NFYA: variants seen among roughly 807,000 people sequenced by gnomAD.
NFYA encodes CAAT-box DNA binding protein subunit A.
A neutral mutation model predicts 52.8 loss-of-function variants in NFYA; 28 were observed. The observed-to-expected ratio is 0.53, with a 90% CI of 0.39 to 0.73. NFYA has a LOEUF of 0.73. NFYA is among the 30% of genes least tolerant of loss of function. NFYA has a pLI of 0.00. For synonymous variants in NFYA, 150 were observed against 150.7 expected, an observed-to-expected ratio of 1.00 and a Z score of 0.03; for missense variants, 234 against 427.0, an observed-to-expected ratio of 0.55 and a Z score of 3.98.
intron 4 of NFYA, among the ~76,000 whole-genome samples, chr6:41,087,682 A>C (rs539129016): frequency 1.6e-4 from 25 of 152,286 alleles, no homozygotes; most frequent in Admixed American, 3.3e-4. Flanking sequence ...ATTTTGAGCT[A>C]TGGGGCTCTC....
Position 41,086,871 on chromosome 6 carries a change from G to C in NFYA, c.309+2679G>C, listed in dbSNP as rs1012156567. 6.6e-5 allele frequency among the ~76,000 whole-genome samples: 10 copies of C among 152,158 alleles called. 1 individual carries two copies. The highest frequency in any genetic ancestry group is 2.0e-4 in the Admixed American group (3 of 15,282). ...TATTTTAAAAAATATTTGCTAGGTG[G>C]ATTAAAGATCTAAATGTAGAAAAGT... On this transcript the variant is annotated intron_variant, in intron 4 of 9. Transcript: ENST00000341376.
At position 41,101,425 on chromosome 6, in the gene NFYA, CAG is replaced by C. The variant is rs1764499314; in HGVS notation, c.*4018_*4019del. On this transcript the variant is annotated 3_prime_UTR_variant, in exon 10 of 10. Transcript: ENST00000341376. ...CCCCAAAGATGATGAAATTGAAACTCAGAGGAAAGGATTTTTACAGGACCACG... is the reference window on the plus strand; with the variant it reads ...CCCCAAAGATGATGAAATTGAAACTCAGGAAAGGATTTTTACAGGACCACG... Among the ~76,000 whole-genome samples the C allele has an allele frequency of 6.6e-6, 1 of 152,204 alleles. No homozygotes were observed. Among genetic ancestry groups the C allele is most frequent in the South Asian group, 2.1e-4 (1 of 4,828 alleles).
Position 41,098,242 on chromosome 6 carries a change from T to A in NFYA, c.*832T>A, listed in dbSNP as rs1200191233. ...GTAGAGAACAAGACTATTCAACAAC[T>A]TCTTTGCTGAAGCACTGAGGAGATT... On this transcript the variant is annotated 3_prime_UTR_variant, in exon 10 of 10. Coordinates refer to ENST00000341376, the MANE Select transcript of NFYA (RefSeq NM_002505.5). The A allele has an allele frequency of 1.3e-5, 2 of 152,656 alleles. No homozygotes were observed. The highest frequency in any genetic ancestry group is 2.9e-5 in the Non-Finnish European group (2 of 68,050). The allele number at this position is 152,656 out of a possible 1,614,324, so 9.5% of individuals were successfully genotyped here. A position where few individuals can be genotyped will look rare whatever the true frequency, so the allele number is the denominator to read the frequency against.
At chr6:41,094,599 A>T in intron 9 of NFYA, 102 bp downstream of exon 9, 1 of 791,640 alleles carries the variant, frequency 1.3e-6, no homozygotes, top group South Asian at 1.6e-5. Flanking sequence ...CTCTGGGACT[A>T]CTCACATTCT....
chr6:41,090,616 T>C (rs1764175100), intron 6 of NFYA, among the ~76,000 whole-genome samples: 1 of 152,174 alleles, frequency 6.6e-6, no homozygotes, highest in South Asian at 2.1e-4. Flanking sequence ...GAGAAATAGA[T>C]CAAAAATCAA....
chr6:41,089,121 T>C (rs1649155778), intron 4 of NFYA, among the ~76,000 whole-genome samples: 1 of 152,048 alleles, frequency 6.6e-6, no homozygotes, highest in Non-Finnish European at 1.5e-5. Flanking sequence ...GTAGCTGGGA[T>C]TACAGGCATG....
At chr6:41,081,037 T>C (rs1485544837) in intron 3 of NFYA, 140 bp downstream of exon 3, 2 of 599,558 alleles carry the variant, frequency 3.3e-6, no homozygotes, top group Non-Finnish European at 6.0e-6. Context: ...TCTTTGAGGC[T>C]TATAAGATGC....
intron 9 of NFYA, among the ~76,000 whole-genome samples, chr6:41,096,297 T>C (rs1407715034): frequency 6.6e-6 from 1 of 152,212 alleles, no homozygotes; most frequent in Non-Finnish European, 1.5e-5. Context: ...ACCTGTAGTG[T>C]GAGAGCCCCT....
chr6:41,074,666 G>T (rs1266432631), intron 1 of NFYA, among the ~76,000 whole-genome samples: 1 of 152,216 alleles, frequency 6.6e-6, no homozygotes, highest in Non-Finnish European at 1.5e-5. Context: ...ATAGTTTAGG[G>T]GGGAAAGCCC....
chr6:41,094,997 T>C (rs1764308990), intron 9 of NFYA, among the ~76,000 whole-genome samples: 1 of 152,234 alleles, frequency 6.6e-6, no homozygotes, highest in Non-Finnish European at 1.5e-5. Context: ...TTCTAACTGA[T>C]GTGAGCCTGG....
intron 4 of NFYA, among the ~76,000 whole-genome samples, chr6:41,086,719 G>A (rs1181675383): frequency 6.6e-6 from 1 of 152,142 alleles, no homozygotes; most frequent in Non-Finnish European, 1.5e-5. Flanking sequence ...ACTGGAACCA[G>A]AGAGACAGCC....
chr6:41,088,849 G>A (rs954694476), intron 4 of NFYA, among the ~76,000 whole-genome samples: 4 of 152,044 alleles, frequency 2.6e-5, no homozygotes. Context: ...CTGAAGTGCT[G>A]GGATTATGGG....
At chr6:41,089,881 A>T (rs1002646120) in intron 5 of NFYA, among the ~76,000 whole-genome samples, 171 bp downstream of exon 5, 1 of 152,216 alleles carries the variant, frequency 6.6e-6, no homozygotes, top group South Asian at 2.1e-4. Flanking sequence ...GCACTTTGAG[A>T]GGCCGAGGCA....
At chr6:41,089,483 AT>A (rs1764139930) in intron 4 of NFYA, 95 bp from the exon 5 acceptor site, 3 of 1,354,100 alleles carry the variant, frequency 2.2e-6, no homozygotes, top group Non-Finnish European at 2.9e-6. Context: ...TCTTCAGAAC[AT>A]TTTCTGCTTT....
chr6:41,092,858 T>C (rs1764231425), intron 7 of NFYA, 54 bp from the exon 8 acceptor site: 2 of 1,541,710 alleles, frequency 1.3e-6, no homozygotes, highest in African/African-American at 1.4e-5. Flanking sequence ...CAAGAAACTG[T>C]TTCTATGTCC....
intron 1 of NFYA, among the ~76,000 whole-genome samples, chr6:41,076,387 G>A (rs539137235): frequency 1.3e-5 from 2 of 152,304 alleles, no homozygotes; most frequent in South Asian, 2.1e-4. Flanking sequence ...TCTTACTAAG[G>A]GTTGTGGTCA....
chr6:41,089,615 G>C lies in NFYA; in HGVS notation c.346G>C (p.Gly116Arg), dbSNP rs750819824. The stretch of plus-strand genomic sequence containing the variant: ...CCCACCTGGACAGATCCAGATCCAG[G>C]GTGGACAGGCTGTGCAGGTGCAGGG... ...LVPPGQIQIQ[G>R]GQAVQVQGQQ... The change falls in exon 5 of 10, where the codon GGT (glycine) becomes CGT (arginine). Residue 116 changes from glycine (G) to arginine (R), a missense_variant. Gly to Arg is a moderately radical substitution (Grantham distance 125). Transcript: ENST00000341376. 1 of 1,612,604 alleles carries C rather than the reference G, an allele frequency of 6.2e-7. No homozygotes were observed. The highest frequency in any genetic ancestry group is 2.2e-5 in the East Asian group (1 of 44,870).
intron 3 of NFYA, among the ~76,000 whole-genome samples, chr6:41,082,546 T>G (rs1763938610): frequency 6.6e-6 from 1 of 152,212 alleles, no homozygotes; most frequent in African/African-American, 2.4e-5. Context: ...AGATGATGAA[T>G]AGATAGAAAA....
At chr6:41,079,367 T>A (rs555035647) in intron 2 of NFYA, among the ~76,000 whole-genome samples, 16 of 152,312 alleles carry the variant, frequency 1.1e-4, no homozygotes, top group African/African-American at 3.6e-4. Context: ...TTATAGTAAA[T>A]TGCCTCTTTT....
Sources: allele counts gnomAD v4.1 joint callset (sites outside exome capture counted in the v4.1 genomes callset), GRCh38; gene constraint gnomAD v4.1.1; transcripts MANE v1.5; gene names NCBI Gene and HGNC (gene_info 2026-07-23, HGNC 2026-07-21).